Variants in EYA4 observed in about 807,000 individuals in gnomAD.
The protein encoded by EYA4 is EYA transcriptional coactivator and phosphatase 4.
A neutral mutation model predicts 87.9 loss-of-function variants in EYA4; 31 were observed. That is an observed-to-expected ratio of 0.35 (90% CI 0.27 to 0.48). The LOEUF is 0.48. Ranked by LOEUF, EYA4 falls within the 20% of genes least tolerant of loss-of-function variation. The pLI is 0.99. For missense variants in EYA4, 678 were observed against 761.4 expected, an observed-to-expected ratio of 0.89 and a Z score of 1.29; for synonymous variants, 263 against 270.6, an observed-to-expected ratio of 0.97 and a Z score of 0.28.
At chr6:133,527,127 A>G (rs1271471526) in intron 19 of EYA4, among the ~76,000 whole-genome samples, 3 of 152,192 alleles carry the variant, frequency 2.0e-5, no homozygotes, top group Non-Finnish European at 2.9e-5. Context: ...ATGTAGGTAC[A>G]GTTTTGGTGA....
chr6:133,456,678 T>TAAGG, intron 6 of EYA4, 30 bp downstream of exon 6: 10 of 1,340,724 alleles, frequency 7.5e-6, no homozygotes, highest in Non-Finnish European at 8.6e-6. Flanking sequence ...TGTCCTTACG[T>TAAGG]ACACATGGGG....
chr6:133,517,951 C>T (rs1799745537), intron 17 of EYA4, among the ~76,000 whole-genome samples: 1 of 152,156 alleles, frequency 6.6e-6, no homozygotes, highest in South Asian at 2.1e-4. Flanking sequence ...AGAACTGGGA[C>T]CAATGAGTAG....
intron 13 of EYA4, chr6:133,502,261 T>C (rs1275793523): frequency 1.3e-5 from 2 of 152,128 alleles, no homozygotes; most frequent in East Asian, 3.8e-4. Context: ...ACCCTGTTAG[T>C]GCCTTTATTA....
chr6:133,516,701 A>T (rs1799628116), intron 17 of EYA4, among the ~76,000 whole-genome samples: 1 of 150,074 alleles, frequency 6.7e-6, no homozygotes, highest in Non-Finnish European at 1.5e-5. Context: ...TCCAGCCTGG[A>T]GACAGAGCAA....
At chr6:133,307,937 T>C (rs1245566543) in intron 2 of EYA4, among the ~76,000 whole-genome samples, 2 of 152,066 alleles carry the variant, frequency 1.3e-5, no homozygotes, top group East Asian at 3.9e-4. Flanking sequence ...GGTGATTGAA[T>C]CATGGGGGTG....
intron 2 of EYA4, among the ~76,000 whole-genome samples, chr6:133,359,295 C>A (rs551582672): frequency 6.6e-6 from 1 of 152,128 alleles, no homozygotes; most frequent in African/African-American, 2.4e-5. Context: ...GTCCTAGGCT[C>A]TTTGTGCTGT....
intron 14 of EYA4, 39 bp downstream of exon 14, chr6:133,506,234 C>T (rs746176642): frequency 9.3e-7 from 1 of 1,078,284 alleles, no homozygotes; most frequent in Non-Finnish European, 1.4e-6. Context: ...GTATCCAACA[C>T]CAGACCTCCT....
intron 3 of EYA4, among the ~76,000 whole-genome samples, chr6:133,383,238 T>A (rs1242940083): frequency 1.3e-5 from 2 of 152,200 alleles, no homozygotes; most frequent in African/African-American, 4.8e-5. Context: ...TCTTGGTACA[T>A]GAAAACATTG....
chr6:133,468,461 G>T, intron 10 of EYA4, 105 bp from the exon 11 acceptor site: 2 of 924,190 alleles, frequency 2.2e-6, no homozygotes, highest in East Asian at 2.4e-5. Context: ...AGAAACAAAT[G>T]GGGCTGAGTA....
intron 1 of EYA4, among the ~76,000 whole-genome samples, chr6:133,272,340 G>T (rs1776764069): frequency 6.6e-6 from 1 of 152,154 alleles, no homozygotes; most frequent in African/African-American, 2.4e-5. Context: ...TAGAAACCAT[G>T]GACATTTGAG....
chr6:133,442,841 T>G (rs1396748077), intron 3 of EYA4, among the ~76,000 whole-genome samples: 1 of 152,130 alleles, frequency 6.6e-6, no homozygotes, highest in Non-Finnish European at 1.5e-5. Context: ...TTTCTTAGTT[T>G]GCCAAGAATT....
chr6:133,522,939 A>G (rs762684577), intron 17 of EYA4, 117 bp from the exon 18 acceptor site: 1 of 824,734 alleles, frequency 1.2e-6, no homozygotes, highest in Middle Eastern at 3.2e-4. Flanking sequence ...GGCAATAGTA[A>G]TGAATTTTGA....
chr6:133,446,857 C>T (rs541149435), intron 4 of EYA4, 103 bp downstream of exon 4: 5 of 1,093,366 alleles, frequency 4.6e-6, no homozygotes, highest in Admixed American at 1.8e-5. Flanking sequence ...TTATCAATAA[C>T]ACAAATCAGC....
At chr6:133,410,084 A>G (rs1303983392) in intron 3 of EYA4, among the ~76,000 whole-genome samples, 1 of 152,160 alleles carries the variant, frequency 6.6e-6, no homozygotes, top group Non-Finnish European at 1.5e-5. Flanking sequence ...CAGCAAATTT[A>G]CTAATATTTG....
chr6:133,512,589 G>C (rs1799251587), intron 14 of EYA4, 132 bp from the exon 15 acceptor site: 2 of 760,466 alleles, frequency 2.6e-6, no homozygotes, highest in Non-Finnish European at 4.7e-6. Flanking sequence ...ACAAGAGTGA[G>C]GCAATGAGAT....
At chr6:133,377,939 T>G (rs1172727232) in intron 2 of EYA4, among the ~76,000 whole-genome samples, 1 of 150,496 alleles carries the variant, frequency 6.6e-6, no homozygotes, top group Non-Finnish European at 1.5e-5. Flanking sequence ...ATTGTATACT[T>G]TAAAATTCAC....
intron 17 of EYA4, 143 bp downstream of exon 17, chr6:133,515,578 TC>T (rs1799517971): frequency 3.0e-6 from 2 of 665,040 alleles, no homozygotes; most frequent in African/African-American, 3.6e-5. Flanking sequence ...TTTTTCAATT[TC>T]AGTGCATGTG....
At chr6:133,281,626 C>CTT (rs34648298) in intron 2 of EYA4, among the ~76,000 whole-genome samples, 43,269 of 151,484 alleles carry the variant, frequency 0.29, 7,061 homozygotes, top group East Asian at 0.44. Context: ...TAAACTTCAA[C>CTT]TTAGTTTAGA....
At chr6:133,512,807 T>A in intron 15 of EYA4, 28 bp downstream of exon 15, 1 of 1,611,660 alleles carries the variant, frequency 6.2e-7, no homozygotes, top group Non-Finnish European at 8.5e-7. Flanking sequence ...GTATGCTGTT[T>A]CCTACAGAAA....
Sources: allele counts gnomAD v4.1 joint callset (sites outside exome capture counted in the v4.1 genomes callset), GRCh38; gene constraint gnomAD v4.1.1; transcripts MANE v1.5; gene names NCBI Gene and HGNC (gene_info 2026-07-23, HGNC 2026-07-21).